The following FRYL variants were observed in gnomAD, a reference collection of about 807,000 sequenced individuals.
FRYL encodes FRY like transcription coactivator, also known as protein furry homolog-like.
In FRYL, 150 loss-of-function variants were observed where a neutral mutation model predicts 351.2. That is an observed-to-expected ratio of 0.43 (90% CI 0.37 to 0.49). The LOEUF (loss-of-function observed/expected upper bound fraction) is 0.49. Ranked by LOEUF, FRYL falls within the 20% of genes least tolerant of loss-of-function variation. The pLI is 0.00. For missense variants in FRYL, 3,036 were observed against 3,619.3 expected, an observed-to-expected ratio of 0.84 and a Z score of 4.13; for synonymous variants, 1,153 against 1,257.1, an observed-to-expected ratio of 0.92 and a Z score of 1.75.
intron 49 of FRYL, among the ~76,000 whole-genome samples, chr4:48,533,891 C>A (rs1197925150): frequency 2.0e-5 from 3 of 152,138 alleles, no homozygotes; most frequent in Admixed American, 1.3e-4. Context: ...TGTATGCCCA[C>A]TAAGTAGAAT....
Position 48,510,949 on chromosome 4 carries a change from C to A in FRYL, c.8181G>T (p.Glu2727Asp), listed in dbSNP as rs769705409. The A allele has an allele frequency of 4.3e-5, 69 of 1,612,276 alleles. No individual in the cohort carries two copies. The Admixed American group carries it at 1.1e-3, about 25-fold the overall frequency. The change falls in exon 58 of 64, where the codon GAG becomes GAT. Residue 2727 changes from glutamate to aspartate, a missense_variant. Glu to Asp is a conservative substitution (Grantham distance 45). Transcript: ENST00000358350. ...IQRKFGEITN[E>D]AVSFLGDSLQ... ...GACTATCACCAAGAAAGCTGACTGC[C>A]TCATTAGTTATTTCTCCAAACTTTC...
Position 48,575,170 on chromosome 4 carries a change from T to G in FRYL, c.2793A>C (p.Glu931Asp). 6.2e-7 allele frequency: 1 copy of G among 1,613,966 alleles called. No homozygotes were observed. The highest frequency in any genetic ancestry group is 1.1e-5 in the South Asian group (1 of 91,078). Reference sequence around the variant, plus strand: ...GACCTAGAACAAGGGATTCTGTGATTTCCATGCTCTCAGAACGCATCATTG... The same window carrying G: ...GACCTAGAACAAGGGATTCTGTGATGTCCATGCTCTCAGAACGCATCATTG... The part of the protein sequence containing the change: ...IVPMMRSESM[E>D]ITESLVLGLG... Residue 931 changes from glutamate (E) to aspartate (D), a missense_variant, in exon 25 of 64, where the codon GAA (glutamate) becomes GAC (aspartate). By Grantham distance (45) the Glu-to-Asp change is conservative. Transcript: ENST00000358350.
In FRYL at chr4:48,673,645, C is replaced by T. The variant is rs79788634; in HGVS notation, c.-81+11028G>A. Among the ~76,000 whole-genome samples the T allele has an allele frequency of 2.0e-4, 30 of 152,294 alleles. No individual in the cohort carries two copies. The East Asian group carries it at 4.6e-3, about 23-fold the overall frequency. On this transcript the variant is annotated intron_variant, in intron 3 of 63. Coordinates refer to ENST00000358350, the MANE Select transcript of FRYL (RefSeq NM_015030.2). ...AATGCAATAGAGTAGAAGGAGCAAACGCCTTATTTTAAAACAATGGCATGG... is the reference window on the plus strand; with the variant it reads ...AATGCAATAGAGTAGAAGGAGCAAATGCCTTATTTTAAAACAATGGCATGG...
intron 1 of FRYL, among the ~76,000 whole-genome samples, chr4:48,764,550 G>C (rs935523026): frequency 6.7e-6 from 1 of 148,612 alleles, no homozygotes. Context: ...GAAAAGAAAA[G>C]AAAAGAAAAA....
chr4:48,507,715 T>TA (rs35205330), intron 59 of FRYL, among the ~76,000 whole-genome samples: 3,990 of 148,012 alleles, frequency 0.027, 67 homozygotes, highest in Admixed American at 0.051. Flanking sequence ...GATAGATAGA[T>TA]GATAGATAGA....
chr4:48,546,092 T>C lies in FRYL; in HGVS notation c.5254A>G (p.Thr1752Ala), dbSNP rs1288805464. The C allele has an allele frequency of 6.2e-7, 1 of 1,613,276 alleles. No individual in the cohort carries two copies. Among genetic ancestry groups the C allele is most frequent in the Non-Finnish European group, 8.5e-7 (1 of 1,179,658 alleles). The change falls in exon 42 of 64, where the codon ACC becomes GCC. Residue 1752 changes from threonine (T) to alanine (A), a missense_variant. Physicochemically the swap from Thr to Ala is moderately conservative, Grantham distance 58. Around this residue, in one of 7 missense-constraint regions of FRYL, gnomAD observed 1,987 missense variants for 2,311.7 expected, o/e 0.86. Transcript: ENST00000358350. ...CTTGAGGTAATGAATTCCATGAGGG[T>C]TTTGACTTTTCCATCCTGCTCCACT... Reference protein sequence around the residue: ...ISVEQDGKVKTLMEFITSRKR... With the variant: ...ISVEQDGKVKALMEFITSRKR...
intron 3 of FRYL, among the ~76,000 whole-genome samples, chr4:48,656,202 CATG>C (rs1389352124): frequency 1.1e-4 from 14 of 130,668 alleles, no homozygotes; most frequent in African/African-American, 3.1e-4. Flanking sequence ...ATTATATATA[CATG>C]ATTATTCATT....
chr4:48,746,553 A>G (rs1334044520), intron 1 of FRYL, among the ~76,000 whole-genome samples: 1 of 151,950 alleles, frequency 6.6e-6, no homozygotes, highest in East Asian at 1.9e-4. Context: ...TTAAAAAAAA[A>G]AAAAAGAAAA....
At chr4:48,609,622 G>GAA (rs5858122) in intron 8 of FRYL, 122 bp downstream of exon 8, 46,624 of 348,944 alleles carry the variant, frequency 0.13, 2 homozygotes, top group South Asian at 0.18. Context: ...CTTGCCTCAA[G>GAA]AAAAAAAAAA....
Position 48,576,302 on chromosome 4 carries a change from TTC to T in FRYL, c.2529-82_2529-81del, listed in dbSNP as rs1491476230. 6.2e-6 allele frequency: 7 copies of T among 1,121,590 alleles called. No homozygotes were observed. In the African/African-American group the frequency reaches 6.7e-5, roughly 11 times the overall value. The allele number at this position is 1,121,590 out of a possible 1,614,324, so 69.5% of individuals were successfully genotyped here. The stretch of plus-strand genomic sequence containing the variant: ...AAGTTTATTTTAACTAATGCTAAAT[TTC>T]TTTTTTTTTTTTTTTGAGACAGAGT... On this transcript the variant is annotated intron_variant, in intron 23 of 63. Coordinates refer to ENST00000358350, the MANE Select transcript of FRYL (RefSeq NM_015030.2).
chr4:48,592,114 A>ATATATATATATATATATATATATTT (rs1272210127), intron 16 of FRYL, among the ~76,000 whole-genome samples: 1 of 136,900 alleles, frequency 7.3e-6, no homozygotes, highest in African/African-American at 2.9e-5. Context: ...ATATATATAT[A>ATATATATATATATATATATATATTT]TTTTATCTAA....
intron 18 of FRYL, among the ~76,000 whole-genome samples, chr4:48,589,320 C>T (rs2149199050): frequency 6.6e-6 from 1 of 151,620 alleles, no homozygotes; most frequent in Admixed American, 6.6e-5. Flanking sequence ...TATGTTATTC[C>T]TCTCTATGCC....
At chr4:48,580,011 T>C (rs1184047154) in intron 22 of FRYL, among the ~76,000 whole-genome samples, 1 of 151,476 alleles carries the variant, frequency 6.6e-6, no homozygotes, top group Non-Finnish European at 1.5e-5. Flanking sequence ...TATTTAAAAA[T>C]AAATAAAAAT....
Position 48,579,094 on chromosome 4 carries a change from T to A in FRYL, c.2407A>T (p.Ile803Leu). The change falls in exon 23 of 64, where the codon ATA becomes TTA. Residue 803 changes from isoleucine (I) to leucine (L), a missense_variant. By Grantham distance (5) the Ile-to-Leu change is conservative. Transcript: ENST00000358350. ...HVTQGQDPWI[I>L]SLSSFLKQEN... Reference sequence around the variant, plus strand: ...TGCTTTAAAAAACTGGAGAGACTTATAATCCATGGGTCTTGGCCTTGGGTC... The same window carrying A: ...TGCTTTAAAAAACTGGAGAGACTTAAAATCCATGGGTCTTGGCCTTGGGTC... 6.2e-7 allele frequency: 1 copy of A among 1,614,070 alleles called. No homozygotes were observed. The highest frequency in any genetic ancestry group is 1.1e-5 in the South Asian group (1 of 91,082).
chr4:48,592,816 A>G (rs891891619), intron 16 of FRYL, among the ~76,000 whole-genome samples: 7 of 152,202 alleles, frequency 4.6e-5, no homozygotes, highest in African/African-American at 1.7e-4. Flanking sequence ...ACTATCTTAA[A>G]AATATTACAA....
intron 56 of FRYL, among the ~76,000 whole-genome samples, chr4:48,513,159 G>A (rs1223828397): frequency 6.6e-6 from 1 of 152,108 alleles, no homozygotes; most frequent in Non-Finnish European, 1.5e-5. Flanking sequence ...TGAGGATTAG[G>A]TTCTATTATT....
At chr4:48,508,402 C>T (rs576724314) in intron 59 of FRYL, among the ~76,000 whole-genome samples, 1 of 152,228 alleles carries the variant, frequency 6.6e-6, no homozygotes, top group South Asian at 2.1e-4. Context: ...GTATATAGTC[C>T]TCCATTTAGG....
intron 25 of FRYL, 68 bp downstream of exon 25, chr4:48,575,049 C>T: frequency 6.5e-7 from 1 of 1,532,298 alleles, no homozygotes; most frequent in South Asian, 1.2e-5. Flanking sequence ...TTCTAAGGAC[C>T]CTACCACACC....
Position 48,634,519 on chromosome 4 carries a change from A to C in FRYL, c.-80-29T>G, listed in dbSNP as rs144745304. 811 of 1,569,580 alleles carry C rather than the reference A, an allele frequency of 5.2e-4. 8 individuals carry two copies. In the African/African-American group the frequency reaches 9.3e-3, roughly 18 times the overall value. ...AAAGTAAAAGAAACAAAAGAACTCTACTTTAATAAATCAACTCAAGAGGTC... is the reference window on the plus strand; with the variant it reads ...AAAGTAAAAGAAACAAAAGAACTCTCCTTTAATAAATCAACTCAAGAGGTC... On this transcript the variant is annotated intron_variant, in intron 3 of 63. Transcript: ENST00000358350.
Sources: gnomAD v4.1 joint callset for allele counts (sites outside exome capture counted in the v4.1 genomes callset) on GRCh38, gnomAD v4.1.1 for gene constraint, gnomAD v4.1.1 regional missense constraint, MANE v1.5 for transcripts, NCBI Gene and HGNC (gene_info 2026-07-23, HGNC 2026-07-21) for gene names.